DTD1: variants seen among roughly 807,000 people sequenced by gnomAD.
DTD1 encodes D-tyrosyl-tRNA deacylase 1 homolog.
DTD1 carries 13 observed loss-of-function variants against 25.6 expected under a neutral mutation model. The observed-to-expected ratio is 0.51, with a 90% CI of 0.33 to 0.81. The LOEUF (loss-of-function observed/expected upper bound fraction) is 0.81, where lower values mean the gene tolerates loss of function less well. DTD1 is among the 30% of genes least tolerant of loss of function. DTD1 has a pLI of 0.02. For missense variants in DTD1, 193 were observed against 266.4 expected (o/e 0.72, Z 1.92); for synonymous variants, 110 against 103.6 (o/e 1.06, Z -0.37).
intron 4 of DTD1, among the ~76,000 whole-genome samples, chr20:18,725,442 A>G (rs2061219668): frequency 1.3e-5 from 2 of 152,174 alleles, no homozygotes; most frequent in Non-Finnish European, 2.9e-5. Flanking sequence ...TTATATTTTT[A>G]TTTGTAGTTC....
chr20:18,670,150 A>G (rs2060946633), intron 4 of DTD1, among the ~76,000 whole-genome samples: 1 of 152,046 alleles, frequency 6.6e-6, no homozygotes, highest in South Asian at 2.1e-4. Context: ...TAGCGCTCTC[A>G]TTGTCTTCAA....
chr20:18,708,177 A>G (rs1489757453), intron 4 of DTD1, among the ~76,000 whole-genome samples: 2 of 97,154 alleles, frequency 2.1e-5, no homozygotes, highest in Non-Finnish European at 3.8e-5. Flanking sequence ...GTGTGTATAT[A>G]TATATTTTAT....
At chr20:18,594,368 C>A (rs1226178162) in intron 2 of DTD1, among the ~76,000 whole-genome samples, 3 of 152,102 alleles carry the variant, frequency 2.0e-5, no homozygotes, top group Admixed American at 6.5e-5. Context: ...ATTGCTGCTG[C>A]CTGCCTGGCT....
At chr20:18,627,876 C>T (rs1252317093) in intron 3 of DTD1, among the ~76,000 whole-genome samples, 1 of 152,160 alleles carries the variant, frequency 6.6e-6, no homozygotes, top group Non-Finnish European at 1.5e-5. Flanking sequence ...AGTTTCCCTG[C>T]ACAAGCTCTC....
Position 18,683,779 on chromosome 20 carries a change from A to G in DTD1, c.477+55546A>G, listed in dbSNP as rs551852009. ...CAGTATTCCCAGAGGTGGGATACGC[A>G]TGCTCCAGAATTCGAGCAAGCTGAC... On this transcript the variant is annotated intron_variant, in intron 4 of 5. Transcript: ENST00000377452. 2.6e-5 allele frequency among the ~76,000 whole-genome samples: 4 copies of G among 152,342 alleles called. No individual in the cohort carries two copies. In the South Asian group the frequency reaches 8.3e-4, roughly 32 times the overall value.
chr20:18,719,215 G>A (rs1227758713), intron 4 of DTD1, among the ~76,000 whole-genome samples: 1 of 151,190 alleles, frequency 6.6e-6, no homozygotes, highest in African/African-American at 2.4e-5. Context: ...TATTTTTTGT[G>A]TATATTTCTG....
At chr20:18,626,680 A>G (rs557131773) in intron 3 of DTD1, among the ~76,000 whole-genome samples, 4 of 152,318 alleles carry the variant, frequency 2.6e-5, no homozygotes, top group Admixed American at 2.6e-4. Flanking sequence ...AAATGTTACC[A>G]TTTTAAGATC....
At chr20:18,646,197 C>T (rs8122592) in intron 4 of DTD1, among the ~76,000 whole-genome samples, 12,250 of 152,244 alleles carry the variant, frequency 0.08, 679 homozygotes, top group East Asian at 0.26. Flanking sequence ...ACGCCTGTGA[C>T]GAGTTGGCAG....
intron 4 of DTD1, among the ~76,000 whole-genome samples, chr20:18,654,488 G>A (rs1354534180): frequency 2.0e-5 from 3 of 152,218 alleles, no homozygotes; most frequent in Non-Finnish European, 4.4e-5. Flanking sequence ...CCAGGAGTGA[G>A]CTGCTCTGGA....
intron 4 of DTD1, among the ~76,000 whole-genome samples, chr20:18,650,949 G>T (rs1245210351): frequency 6.6e-6 from 1 of 152,190 alleles, no homozygotes; most frequent in Non-Finnish European, 1.5e-5. Flanking sequence ...ATATAAAAAT[G>T]TGTTACAACG....
At chr20:18,684,367 A>C (rs556543929) in intron 4 of DTD1, among the ~76,000 whole-genome samples, 12 of 152,096 alleles carry the variant, frequency 7.9e-5, no homozygotes, top group Admixed American at 7.8e-4. Flanking sequence ...GTTCACTGCA[A>C]CCTCAGCCTC....
At chr20:18,714,797 A>C (rs958348823) in intron 4 of DTD1, among the ~76,000 whole-genome samples, 3 of 152,212 alleles carry the variant, frequency 2.0e-5, no homozygotes, top group Non-Finnish European at 2.9e-5. Context: ...TCCTCAGGGC[A>C]AAACTAATTT....
chr20:18,660,835 C>G (rs143222726), intron 4 of DTD1, among the ~76,000 whole-genome samples: 30 of 152,210 alleles, frequency 2.0e-4, no homozygotes, highest in African/African-American at 6.7e-4. Flanking sequence ...ATGTCACATG[C>G]AATTGTAAGA....
At chr20:18,743,214 G>A (rs1362856781) in intron 4 of DTD1, among the ~76,000 whole-genome samples, 1 of 152,188 alleles carries the variant, frequency 6.6e-6, no homozygotes, top group African/African-American at 2.4e-5. Flanking sequence ...CTGCTGGCCT[G>A]GTGGGAGCCT....
intron 5 of DTD1, among the ~76,000 whole-genome samples, chr20:18,761,690 C>T (rs1031254688): frequency 7.2e-5 from 11 of 152,110 alleles, no homozygotes; most frequent in African/African-American, 2.7e-4. Flanking sequence ...ATCTTAAGTT[C>T]AAAAACAAAG....
chr20:18,653,847 A>T (rs905548093), intron 4 of DTD1, among the ~76,000 whole-genome samples: 1 of 152,240 alleles, frequency 6.6e-6, no homozygotes, highest in African/African-American at 2.4e-5. Context: ...ACATTTGAGA[A>T]CAAACAGTTT....
At chr20:18,627,348 T>G (rs952599834) in intron 3 of DTD1, among the ~76,000 whole-genome samples, 9 of 152,186 alleles carry the variant, frequency 5.9e-5, no homozygotes, top group African/African-American at 2.2e-4. Context: ...GTGTGAGGCC[T>G]GCCTGTGCCG....
intron 1 of DTD1, among the ~76,000 whole-genome samples, chr20:18,588,361 G>A (rs1369630221): frequency 1.3e-5 from 2 of 152,146 alleles, no homozygotes; most frequent in African/African-American, 4.8e-5. Flanking sequence ...CCGGCTCTCG[G>A]CAGAGGGTGC....
intron 4 of DTD1, among the ~76,000 whole-genome samples, chr20:18,738,849 T>C (rs2122514399): frequency 6.6e-6 from 1 of 152,356 alleles, no homozygotes; most frequent in Non-Finnish European, 1.5e-5. Flanking sequence ...TATCAGGTTA[T>C]TAAGAGCAAA....
Sources: allele counts gnomAD v4.1 joint callset (sites outside exome capture counted in the v4.1 genomes callset), GRCh38; gene constraint gnomAD v4.1.1; transcripts MANE v1.5; gene names NCBI Gene and HGNC (gene_info 2026-07-23, HGNC 2026-07-21).